Variants in AAAS observed in about 807,000 individuals in gnomAD.
AAAS encodes aladin.
AAAS carries 60 observed loss-of-function variants against 75.6 expected under a neutral mutation model. The ratio of observed to expected loss-of-function variants is 0.79; its 90% CI spans 0.64 to 0.98. AAAS has a LOEUF of 0.98. Ranked by LOEUF, AAAS falls within the 50% of genes least tolerant of loss-of-function variation. The probability of loss-of-function intolerance (pLI) is 0.00; values close to 1 mark genes in which losing one functional copy is unlikely to be tolerated. For synonymous variants in AAAS, 271 were observed against 265.0 expected, an observed-to-expected ratio of 1.02 and a Z score of -0.22; for missense variants, 658 against 686.9, an observed-to-expected ratio of 0.96 and a Z score of 0.47.
At chr12:53,311,246 G>A (rs1203306915) in intron 7 of AAAS, among the ~76,000 whole-genome samples, 1 of 152,058 alleles carries the variant, frequency 6.6e-6, no homozygotes, top group African/African-American at 2.4e-5. Flanking sequence ...GCCTGGCCTT[G>A]TTTTTTGTTC....
At chr12:53,315,942 A>G (rs1421912476) in intron 2 of AAAS, among the ~76,000 whole-genome samples, 160 bp from the exon 3 acceptor site, 2 of 152,188 alleles carry the variant, frequency 1.3e-5, no homozygotes, top group Non-Finnish European at 2.9e-5. Context: ...TTTCATTTAC[A>G]TATCTCACAA....
At chr12:53,315,262 A>G (rs1250671949) in intron 4 of AAAS, 73 bp downstream of exon 4, 1 of 1,596,510 alleles carries the variant, frequency 6.3e-7, no homozygotes, top group Admixed American at 1.7e-5. Flanking sequence ...CCTGACCTGC[A>G]AGGATAGGAA....
intron 2 of AAAS, 66 bp from the exon 3 acceptor site, chr12:53,315,848 T>C (rs538705704): frequency 5.8e-6 from 9 of 1,550,802 alleles, no homozygotes; most frequent in South Asian, 2.3e-5. Flanking sequence ...ACCAGTTTCA[T>C]TCATTCAATA....
rs755017053 is a variant in AAAS, at chr12:53,321,331, C to T, written c.123+12G>A. 1 of 1,612,858 alleles carries T rather than the reference C, an allele frequency of 6.2e-7. No homozygotes were observed. The highest frequency in any genetic ancestry group is 8.5e-7 in the Non-Finnish European group (1 of 1,179,842). On this transcript the variant is annotated intron_variant, in intron 1 of 15. Coordinates refer to ENST00000209873, the MANE Select transcript of AAAS (RefSeq NM_015665.6). ...CATGCCTGTAGGTCCCCTCCCTCCT[C>T]GCCCTGGCCACCTGGCCCCGGAAGT... is the stretch of plus-strand genomic sequence containing the variant.
chr12:53,319,919 A>G (rs1223125450), intron 2 of AAAS, among the ~76,000 whole-genome samples: 1 of 151,656 alleles, frequency 6.6e-6, no homozygotes, highest in Non-Finnish European at 1.5e-5. Flanking sequence ...TCGGAAGTTC[A>G]AGACCAGCCT....
At chr12:53,315,011 G>C in intron 5 of AAAS, 83 bp downstream of exon 5, 1 of 1,529,094 alleles carries the variant, frequency 6.5e-7, no homozygotes. Flanking sequence ...CAGAAAAGGA[G>C]TAGGAGTCTT....
At chr12:53,314,528 A>T in intron 6 of AAAS, 87 bp from the exon 7 acceptor site, 3 of 1,580,662 alleles carry the variant, frequency 1.9e-6, no homozygotes, top group Non-Finnish European at 2.6e-6. Context: ...AAAGCCACAG[A>T]GAAGAAGGAT....
chr12:53,312,572 A>AG (rs1433441689), intron 7 of AAAS, among the ~76,000 whole-genome samples: 1 of 151,482 alleles, frequency 6.6e-6, no homozygotes, highest in African/African-American at 2.4e-5. Context: ...TCTCAAAAAA[A>AG]AAAAAGAAAT....
intron 1 of AAAS, chr12:53,320,937 G>A: frequency 3.6e-6 from 2 of 562,990 alleles, no homozygotes; most frequent in Non-Finnish European, 6.3e-6. Context: ...GAAAACACCT[G>A]ACTCAGCCTC....
chr12:53,314,190 G>T (rs1944430630), intron 7 of AAAS, 108 bp downstream of exon 7: 14 of 1,474,168 alleles, frequency 9.5e-6, no homozygotes, highest in Non-Finnish European at 1.3e-5. Flanking sequence ...ATAGCCCTGG[G>T]AAGTGCTGTG....
chr12:53,311,672 C>T lies in AAAS; in HGVS notation c.690-1951G>A, dbSNP rs528049971. On this transcript the variant is annotated intron_variant, in intron 7 of 15. Coordinates refer to ENST00000209873, the MANE Select transcript of AAAS (RefSeq NM_015665.6). ...GCTCATGCCTGTAATCTCAGCACTTCGGGAGGCCGAGGCAGGCGGATCACC... is the reference window on the plus strand; with the variant it reads ...GCTCATGCCTGTAATCTCAGCACTTTGGGAGGCCGAGGCAGGCGGATCACC... Among the ~76,000 whole-genome samples, 8 of 152,068 alleles carry T rather than the reference C, an allele frequency of 5.3e-5. No homozygotes were observed. In the East Asian group the frequency reaches 7.8e-4, roughly 15 times the overall value.
chr12:53,309,398 A>C (rs1405531900), intron 8 of AAAS, 117 bp from the exon 9 acceptor site: 1 of 1,541,094 alleles, frequency 6.5e-7, no homozygotes, highest in African/African-American at 1.4e-5. Flanking sequence ...AGGGACTGTG[A>C]AACATGAGGC....
rs1360087158 is a variant in AAAS, at chr12:53,319,820, A to AG, written c.251+744_251+745insC. Among the ~76,000 whole-genome samples, 38 of 21,558 alleles carry AG rather than the reference A, an allele frequency of 1.8e-3. 3 individuals are homozygous for AG. The highest frequency in any genetic ancestry group is 2.7e-3 in the Non-Finnish European group (23 of 8,526). The allele number at this position is 21,558 out of a possible 152,430, so 14.1% of individuals were successfully genotyped here. On this transcript the variant is annotated intron_variant, in intron 2 of 15. Transcript: ENST00000209873. ...TCCGTCTCAAAAAAAAAAAAAAAAA[A>AG]AAAAAGAAAAAGAAAATGAGCCGGG...
Position 53,315,444 on chromosome 12 carries a change from C to A in AAAS, c.308-18G>T. ...CTCAAACACTGTAGGGTTGAGGAAG[C>A]AGCTCTGATTAAACCATTCACAGGC... On this transcript the variant is annotated intron_variant, in intron 3 of 15. Transcript: ENST00000209873. 1.9e-6 allele frequency: 3 copies of A among 1,607,094 alleles called. No homozygotes were observed. The highest frequency in any genetic ancestry group is 2.6e-6 in the Non-Finnish European group (3 of 1,176,258).
chr12:53,317,685 C>T (rs868287434), intron 2 of AAAS, among the ~76,000 whole-genome samples: 2 of 149,904 alleles, frequency 1.3e-5, no homozygotes, highest in Non-Finnish European at 3.0e-5. Flanking sequence ...GAGGTTGCAG[C>T]GAGCTGAGAT....
chr12:53,314,544 A>T, intron 6 of AAAS, 103 bp from the exon 7 acceptor site: 1 of 1,537,440 alleles, frequency 6.5e-7, no homozygotes, highest in Non-Finnish European at 8.9e-7. Flanking sequence ...AGGATGATCC[A>T]TCCAGGGGCC....
At position 53,315,104 on chromosome 12, in the gene AAAS, CT is replaced by C; in HGVS notation, c.435del (p.Val146SerfsTer26). ...RSEDLIAEFA[Q>X]VTNWSSCCLR... ...GGCTTGTGCACTCACCAATTTGTGA[CT>C]TGGGCAAATTCAGCGATCAGATCTT... On this transcript the variant is annotated frameshift_variant, in exon 5 of 16. Coordinates refer to ENST00000209873, the MANE Select transcript of AAAS (RefSeq NM_015665.6). LOFTEE classifies it high-confidence loss of function. The C allele has an allele frequency of 6.2e-7, 1 of 1,614,154 alleles. No homozygotes were observed. The highest frequency in any genetic ancestry group is 8.5e-7 in the Non-Finnish European group (1 of 1,180,030).
chr12:53,320,490 C>G, intron 2 of AAAS, 75 bp downstream of exon 2: 1 of 1,603,932 alleles, frequency 6.2e-7, no homozygotes, highest in Non-Finnish European at 8.5e-7. Context: ...GAAGAACACC[C>G]CAAGGTAAAG....
At chr12:53,320,469 A>T in intron 2 of AAAS, 96 bp downstream of exon 2, 1 of 1,556,074 alleles carries the variant, frequency 6.4e-7, no homozygotes, top group South Asian at 1.1e-5. Flanking sequence ...CAGCCTGAAT[A>T]AAAGTCTTTT....
Sources: gnomAD v4.1 joint callset for allele counts (sites outside exome capture counted in the v4.1 genomes callset) on GRCh38, gnomAD v4.1.1 for gene constraint, MANE v1.5 for transcripts, NCBI Gene and HGNC (gene_info 2026-07-23, HGNC 2026-07-21) for gene names.